The following FSTL5 variants were observed in gnomAD, a reference collection of about 807,000 sequenced individuals.
FSTL5 encodes the protein follistatin like 5.
A neutral mutation model predicts 89.1 loss-of-function variants in FSTL5; 62 were observed. The observed-to-expected ratio is 0.70, with a 90% CI of 0.57 to 0.86. FSTL5 has a LOEUF of 0.86. FSTL5 is among the 40% of genes least tolerant of loss of function. FSTL5 has a pLI of 0.00. For synonymous variants in FSTL5, 383 were observed against 346.2 expected, an observed-to-expected ratio of 1.11 and a Z score of -1.18; for missense variants, 1,057 against 1,001.6, an observed-to-expected ratio of 1.06 and a Z score of -0.75.
chr4:161,981,272 C>G (rs1384113344), intron 3 of FSTL5, among the ~76,000 whole-genome samples: 2 of 152,132 alleles, frequency 1.3e-5, no homozygotes, highest in Non-Finnish European at 2.9e-5. Context: ...CACTAGCATG[C>G]ACAGCACATG....
intron 15 of FSTL5, among the ~76,000 whole-genome samples, chr4:161,392,078 T>A (rs916928497): frequency 4.6e-5 from 7 of 152,182 alleles, no homozygotes; most frequent in African/African-American, 1.7e-4. Context: ...GGACTCTAAT[T>A]GTTCTAGGCA....
rs201531175 is a variant in FSTL5 at position 161,930,893 on chromosome 4, C to A, written c.161-10241G>T. ...TATATTCCTTTCCCGGAGCAAAAGA[C>A]ACGGAGTCAATCTGCTGCCTGAATT... On this transcript the variant is annotated intron_variant, in intron 3 of 15. Transcript: ENST00000306100. Among the ~76,000 whole-genome samples, 9 of 151,878 alleles carry A rather than the reference C, an allele frequency of 5.9e-5. No homozygotes were observed. The East Asian group carries it at 7.8e-4, about 13-fold the overall frequency.
intron 2 of FSTL5, among the ~76,000 whole-genome samples, chr4:162,103,086 T>C (rs1041048533): frequency 7.2e-5 from 11 of 152,090 alleles, no homozygotes; most frequent in African/African-American, 2.4e-4. Flanking sequence ...TGGGGACTCA[T>C]TGTCAAAGAT....
intron 7 of FSTL5, among the ~76,000 whole-genome samples, chr4:161,604,638 A>G (rs1048756705): frequency 1.3e-5 from 2 of 152,122 alleles, no homozygotes; most frequent in Non-Finnish European, 2.9e-5. Flanking sequence ...GGGTTACAAA[A>G]CCACCCAAAG....
At chr4:161,811,050 A>T (rs1730121906) in intron 4 of FSTL5, among the ~76,000 whole-genome samples, 1 of 152,142 alleles carries the variant, frequency 6.6e-6, no homozygotes, top group South Asian at 2.1e-4. Flanking sequence ...ACCCCCTACC[A>T]TTATTATAGA....
intron 3 of FSTL5, among the ~76,000 whole-genome samples, chr4:161,949,235 T>C (rs1734822203): frequency 6.6e-6 from 1 of 152,126 alleles, no homozygotes; most frequent in Non-Finnish European, 1.5e-5. Flanking sequence ...ATAAGGGCCT[T>C]TGTAATTACA....
At chr4:162,035,010 C>T (rs573416801) in intron 2 of FSTL5, among the ~76,000 whole-genome samples, 1 of 152,124 alleles carries the variant, frequency 6.6e-6, no homozygotes, top group East Asian at 1.9e-4. Context: ...TTTAAATGTA[C>T]ATTACTTGTA....
chr4:162,075,498 G>T (rs1436330674), intron 2 of FSTL5, among the ~76,000 whole-genome samples: 1 of 151,830 alleles, frequency 6.6e-6, no homozygotes, highest in Non-Finnish European at 1.5e-5. Context: ...CTACATTCCT[G>T]TGTTTGGTCA....
intron 8 of FSTL5, among the ~76,000 whole-genome samples, chr4:161,551,978 T>C (rs531206426): frequency 1.3e-5 from 2 of 151,976 alleles, no homozygotes; most frequent in African/African-American, 2.4e-5. Context: ...AAGACAAAAT[T>C]GACAAATGGG....
chr4:161,915,742 C>A (rs188159047), intron 4 of FSTL5, among the ~76,000 whole-genome samples: 1 of 151,888 alleles, frequency 6.6e-6, no homozygotes. Flanking sequence ...CATCAACATG[C>A]AGTTTCAATT....
At chr4:162,048,259 G>A (rs916464508) in intron 2 of FSTL5, among the ~76,000 whole-genome samples, 10 of 151,994 alleles carry the variant, frequency 6.6e-5, no homozygotes, top group East Asian at 1.9e-4. Context: ...CCTGGGAGGC[G>A]GAGGTTGCAG....
chr4:161,997,750 G>A (rs769188558), intron 3 of FSTL5, among the ~76,000 whole-genome samples: 18 of 151,618 alleles, frequency 1.2e-4, no homozygotes, highest in Non-Finnish European at 2.2e-4. Flanking sequence ...GACTAAAGGC[G>A]CCCGCCACCA....
At chr4:161,810,189 T>C in intron 4 of FSTL5, among the ~76,000 whole-genome samples, 1 of 152,134 alleles carries the variant, frequency 6.6e-6, no homozygotes, top group East Asian at 1.9e-4. Context: ...TTACTGCATT[T>C]TAAAGTAAGA....
chr4:161,703,901 C>G (rs1553959720), intron 6 of FSTL5, among the ~76,000 whole-genome samples: 2 of 152,074 alleles, frequency 1.3e-5, no homozygotes, highest in Non-Finnish European at 2.9e-5. Context: ...GTTAAAAACA[C>G]AAATAAAGTT....
intron 7 of FSTL5, among the ~76,000 whole-genome samples, chr4:161,610,601 T>G (rs1478099510): frequency 1.3e-5 from 2 of 152,136 alleles, no homozygotes; most frequent in African/African-American, 2.4e-5. Flanking sequence ...GTGGGGAGCA[T>G]CATTTCAGCA....
At chr4:161,411,164 A>G (rs1176802318) in intron 15 of FSTL5, among the ~76,000 whole-genome samples, 5 of 152,188 alleles carry the variant, frequency 3.3e-5, no homozygotes, top group Non-Finnish European at 7.4e-5. Flanking sequence ...GAATAGACCA[A>G]TATCAACTTC....
At chr4:161,467,597 A>G (rs553676199) in intron 13 of FSTL5, among the ~76,000 whole-genome samples, 3 of 152,150 alleles carry the variant, frequency 2.0e-5, no homozygotes, top group Non-Finnish European at 4.4e-5. Context: ...CCTCAAGAGG[A>G]TTTAAAATTC....
chr4:161,436,121 G>GCCAAATATTT (rs1214618358), intron 15 of FSTL5, among the ~76,000 whole-genome samples: 2 of 152,038 alleles, frequency 1.3e-5, no homozygotes, highest in Non-Finnish European at 2.9e-5. Context: ...TTTAAAGGAG[G>GCCAAATATTT]CCAAATATTT....
chr4:161,464,356 T>C (rs962573437), intron 13 of FSTL5, among the ~76,000 whole-genome samples: 2 of 152,148 alleles, frequency 1.3e-5, no homozygotes, highest in Non-Finnish European at 2.9e-5. Flanking sequence ...TCCCAATGCC[T>C]GCTTCCTCAA....
Sources: allele counts gnomAD v4.1 joint callset (sites outside exome capture counted in the v4.1 genomes callset), GRCh38; gene constraint gnomAD v4.1.1; transcripts MANE v1.5; gene names NCBI Gene and HGNC (gene_info 2026-07-23, HGNC 2026-07-21).